LYPD6B: variants seen among roughly 807,000 people sequenced by gnomAD.
The protein encoded by LYPD6B is LY6/PLAUR domain containing 6B.
In LYPD6B, 17 loss-of-function variants were observed where a neutral mutation model predicts 22.8. The observed-to-expected ratio is 0.75, with a 90% CI of 0.51 to 1.12. The LOEUF (loss-of-function observed/expected upper bound fraction) is 1.12, where lower values mean the gene tolerates loss of function less well. Among genes scored for constraint, LYPD6B ranks in the 50% most tolerant of loss-of-function variants. LYPD6B has a pLI of 0.00. For synonymous variants in LYPD6B, 106 were observed against 91.6 expected (o/e 1.16, Z -0.90); for missense variants, 221 against 258.3 (o/e 0.86, Z 0.99).
At chr2:149,119,961 C>T (rs1687202948) in intron 1 of LYPD6B, among the ~76,000 whole-genome samples, 2 of 152,150 alleles carry the variant, frequency 1.3e-5, no homozygotes, top group South Asian at 4.1e-4. Flanking sequence ...CTCCTGTTAG[C>T]TTTATTAAAT....
At chr2:149,162,077 T>C (rs1359044624) in intron 3 of LYPD6B, among the ~76,000 whole-genome samples, 1 of 152,156 alleles carries the variant, frequency 6.6e-6, no homozygotes, top group Non-Finnish European at 1.5e-5. Flanking sequence ...ATAAGACATA[T>C]GGGAACATTG....
At chr2:149,187,002 G>A (rs939680298) in intron 3 of LYPD6B, among the ~76,000 whole-genome samples, 1 of 152,130 alleles carries the variant, frequency 6.6e-6, no homozygotes, top group Non-Finnish European at 1.5e-5. Context: ...CCCTCCACCA[G>A]CAAAAAGATT....
intron 5 of LYPD6B, 116 bp downstream of exon 5, chr2:149,208,528 G>C (rs1693646710): frequency 3.8e-6 from 3 of 798,078 alleles, no homozygotes; most frequent in Non-Finnish European, 6.1e-6. Context: ...CCGGACATCA[G>C]ACTATATTGA....
At chr2:149,075,964 C>T (rs1264151800) in intron 1 of LYPD6B, among the ~76,000 whole-genome samples, 1 of 152,162 alleles carries the variant, frequency 6.6e-6, no homozygotes, top group Admixed American at 6.5e-5. Flanking sequence ...GCCAGTGCTA[C>T]GGCTGATGAG....
In LYPD6B at chr2:149,088,456, G is replaced by A. The variant is rs201393183; in HGVS notation, c.-66-42427G>A. Among the ~76,000 whole-genome samples the A allele has an allele frequency of 2.3e-4, 35 of 152,262 alleles. No individual in the cohort carries two copies. In the East Asian group the frequency reaches 4.4e-3, roughly 19 times the overall value. ...AGTTTCAAAATTTAGTTATGGGAACGTGTGGCTGTCTTCTTAATTTGGTTG... is the reference window on the plus strand; with the variant it reads ...AGTTTCAAAATTTAGTTATGGGAACATGTGGCTGTCTTCTTAATTTGGTTG... On this transcript the variant is annotated intron_variant, in intron 1 of 6. Transcript: ENST00000409642.
intron 1 of LYPD6B, among the ~76,000 whole-genome samples, chr2:149,111,099 G>T (rs1217991683): frequency 1.3e-5 from 2 of 152,102 alleles, no homozygotes; most frequent in African/African-American, 4.8e-5. Flanking sequence ...CTAGTGTGTT[G>T]GGGTGTACTG....
intron 1 of LYPD6B, among the ~76,000 whole-genome samples, chr2:149,085,271 C>T (rs1685336522): frequency 6.6e-6 from 1 of 152,228 alleles, no homozygotes; most frequent in Non-Finnish European, 1.5e-5. Context: ...CATGTTCGTG[C>T]CCTTCAGTAT....
At chr2:149,129,738 G>A (rs1687910912) in intron 1 of LYPD6B, among the ~76,000 whole-genome samples, 1 of 152,174 alleles carries the variant, frequency 6.6e-6, no homozygotes, top group Non-Finnish European at 1.5e-5. Flanking sequence ...GACTTATGGT[G>A]GACTTTATGC....
intron 1 of LYPD6B, among the ~76,000 whole-genome samples, chr2:149,076,699 A>T (rs1380870213): frequency 6.6e-6 from 1 of 152,210 alleles, no homozygotes; most frequent in Non-Finnish European, 1.5e-5. Context: ...ATATGTGATG[A>T]AATTTTAAAA....
At chr2:149,048,852 T>C (rs1683425327) in intron 1 of LYPD6B, among the ~76,000 whole-genome samples, 2 of 152,216 alleles carry the variant, frequency 1.3e-5, no homozygotes, top group African/African-American at 4.8e-5. Flanking sequence ...TTATCAAATA[T>C]AATTTACACA....
intron 3 of LYPD6B, chr2:149,188,703 G>A (rs199831697): frequency 2.3e-5 from 23 of 982,328 alleles, no homozygotes; most frequent in African/African-American, 3.5e-5. Flanking sequence ...ATTCCGTAAC[G>A]TCTCAGGAGG....
At chr2:149,211,221 C>A (rs1302365465) in intron 5 of LYPD6B, among the ~76,000 whole-genome samples, 1 of 152,164 alleles carries the variant, frequency 6.6e-6, no homozygotes, top group African/African-American at 2.4e-5. Flanking sequence ...GATTTAATCA[C>A]CTCCCCTCTC....
chr2:149,150,786 GTTTA>G (rs1406935590), intron 2 of LYPD6B, among the ~76,000 whole-genome samples: 1 of 151,844 alleles, frequency 6.6e-6, no homozygotes, highest in African/African-American at 2.4e-5. Flanking sequence ...TCTTCCCTTT[GTTTA>G]TTTCTAGAAC....
At chr2:149,200,953 G>A (rs1287997011) in intron 3 of LYPD6B, among the ~76,000 whole-genome samples, 1 of 152,190 alleles carries the variant, frequency 6.6e-6, no homozygotes, top group African/African-American at 2.4e-5. Flanking sequence ...CATAGGTGAG[G>A]GATTTCTGAC....
intron 1 of LYPD6B, among the ~76,000 whole-genome samples, chr2:149,122,576 C>T (rs995135414): frequency 1.5e-5 from 2 of 133,128 alleles, no homozygotes; most frequent in Non-Finnish European, 3.2e-5. Context: ...CCCCTCCCCC[C>T]ACCCCATGAC....
At chr2:149,090,204 T>C (rs970392929) in intron 1 of LYPD6B, among the ~76,000 whole-genome samples, 2 of 152,234 alleles carry the variant, frequency 1.3e-5, no homozygotes, top group Admixed American at 6.5e-5. Flanking sequence ...AAAGACTTTG[T>C]ATTTCAGAAA....
intron 1 of LYPD6B, among the ~76,000 whole-genome samples, chr2:149,115,940 A>C (rs1228651301): frequency 6.6e-6 from 1 of 152,232 alleles, no homozygotes; most frequent in African/African-American, 2.4e-5. Context: ...CAGCTTTTGT[A>C]CATGCTTTAT....
chr2:149,053,363 A>G (rs1293701175), intron 1 of LYPD6B, among the ~76,000 whole-genome samples: 1 of 152,206 alleles, frequency 6.6e-6, no homozygotes, highest in Admixed American at 6.5e-5. Context: ...TACCTTTAGG[A>G]TATTTCCAAT....
Position 149,189,342 on chromosome 2 carries a change from TTATATA to T in LYPD6B, c.78-15890_78-15885del, listed in dbSNP as rs770703554. 4.8e-4 allele frequency among the ~76,000 whole-genome samples: 32 copies of T among 66,104 alleles called. 1 individual carries two copies. Among genetic ancestry groups the T allele is most frequent in the African/African-American group, 1.8e-3 (29 of 16,340 alleles). 43.4% of individuals were successfully genotyped at this position (66,104 alleles called of 152,430 possible). The stretch of plus-strand genomic sequence containing the variant: ...AACAATTTTTTTGATTTGTCCAAAA[TTATATA>T]TATATATATATATATATATACACAC... On this transcript the variant is annotated intron_variant, in intron 3 of 6. Transcript: ENST00000409642.
Sources: allele counts gnomAD v4.1 joint callset (sites outside exome capture counted in the v4.1 genomes callset), GRCh38; gene constraint gnomAD v4.1.1; transcripts MANE v1.5; gene names NCBI Gene and HGNC (gene_info 2026-07-23, HGNC 2026-07-21).